Variants in MOB3B observed in about 807,000 individuals in gnomAD.
MOB3B encodes the protein MOB kinase activator 3B, also known as MOB kinase activator-like 2B.
In MOB3B, 7 loss-of-function variants were observed where a neutral mutation model predicts 18.7. The observed-to-expected ratio is 0.37, with a 90% CI of 0.21 to 0.70. The LOEUF is 0.70. Ranked by LOEUF, MOB3B falls within the 30% of genes least tolerant of loss-of-function variation. The pLI is 0.52. For missense variants in MOB3B, 253 were observed against 281.3 expected, an observed-to-expected ratio of 0.90 and a Z score of 0.72; for synonymous variants, 111 against 99.9, an observed-to-expected ratio of 1.11 and a Z score of -0.66.
intron 2 of MOB3B, 27 bp from the exon 3 acceptor site, chr9:27,359,263 T>G: frequency 6.3e-7 from 1 of 1,595,650 alleles, no homozygotes; most frequent in South Asian, 1.1e-5. Context: ...GAAGAAAGAA[T>G]GAAACCATGA....
At chr9:27,528,124 C>T (rs1362257405) in intron 1 of MOB3B, among the ~76,000 whole-genome samples, 1 of 152,204 alleles carries the variant, frequency 6.6e-6, no homozygotes, top group East Asian at 1.9e-4. Context: ...ACGTTCATTC[C>T]GGAGTGAACC....
intron 2 of MOB3B, among the ~76,000 whole-genome samples, chr9:27,363,511 G>A (rs1024127174): frequency 2.7e-5 from 4 of 150,166 alleles, no homozygotes; most frequent in Non-Finnish European, 4.4e-5. Flanking sequence ...CTCGTGATCT[G>A]CCCACCTCAG....
At position 27,433,864 on chromosome 9, in the gene MOB3B, C is replaced by T. The variant is rs184580176; in HGVS notation, c.418+21269G>A. On this transcript the variant is annotated intron_variant, in intron 2 of 3. Coordinates refer to ENST00000262244, the MANE Select transcript of MOB3B (RefSeq NM_024761.5). ...CAGAGGTCAAGCAGCCTTCTCCTTG[C>T]GAGTCAAAGAATTCTTGGCTAAATC... 6.2e-3 allele frequency among the ~76,000 whole-genome samples: 950 copies of T among 152,122 alleles called. 7 individuals are homozygous for T. Among genetic ancestry groups the T allele is most frequent in the Non-Finnish European group, 9.4e-3 (638 of 68,006 alleles).
At chr9:27,452,894 T>C (rs1335840559) in intron 2 of MOB3B, among the ~76,000 whole-genome samples, 1 of 152,166 alleles carries the variant, frequency 6.6e-6, no homozygotes, top group East Asian at 1.9e-4. Context: ...GTTAGGGAGA[T>C]GTTGGTCAAA....
chr9:27,429,665 G>A (rs1822389073), intron 2 of MOB3B, among the ~76,000 whole-genome samples: 1 of 152,154 alleles, frequency 6.6e-6, no homozygotes, highest in African/African-American at 2.4e-5. Context: ...CTGGGAAAAG[G>A]AGTACTCAGA....
Position 27,326,506 on chromosome 9 carries a change from T to C in MOB3B, c.*4081A>G, listed in dbSNP as rs549942593. 2 of 398,606 alleles carry C rather than the reference T, an allele frequency of 5.0e-6. No homozygotes were observed. The highest frequency in any genetic ancestry group is 4.1e-5 in the African/African-American group (2 of 48,760). 24.7% of individuals were successfully genotyped at this position (398,606 alleles called of 1,614,324 possible). A position where few individuals can be genotyped will look rare whatever the true frequency, so the allele number is the denominator to read the frequency against. On this transcript the variant is annotated 3_prime_UTR_variant, in exon 4 of 4. Coordinates refer to ENST00000262244, the MANE Select transcript of MOB3B (RefSeq NM_024761.5). ...TCGAGTTGAATGGAATTCAAGATGTTGTGGAGGGTTCAGTGGGTTGGTTAT... is the reference window on the plus strand; with the variant it reads ...TCGAGTTGAATGGAATTCAAGATGTCGTGGAGGGTTCAGTGGGTTGGTTAT...
At chr9:27,333,996 G>A (rs1820826655) in intron 3 of MOB3B, among the ~76,000 whole-genome samples, 1 of 152,082 alleles carries the variant, frequency 6.6e-6, no homozygotes, top group African/African-American at 2.4e-5. Context: ...GGCAAATTTT[G>A]ACATCCTTTA....
chr9:27,473,960 G>C (rs1271992650), intron 1 of MOB3B, among the ~76,000 whole-genome samples: 2 of 152,124 alleles, frequency 1.3e-5, no homozygotes, highest in African/African-American at 4.8e-5. Context: ...ATTATAAAAG[G>C]GACCCCAGAA....
intron 2 of MOB3B, among the ~76,000 whole-genome samples, chr9:27,440,459 TATCAATGGATGATGGGAAGAAATTC>T (rs1206062871): frequency 6.6e-6 from 1 of 152,120 alleles, no homozygotes; most frequent in Non-Finnish European, 1.5e-5. Context: ...TAAGAATACG[TATCAATGGATGATGGGAAGAAATTC>T]ATGACTACTC....
chr9:27,487,132 A>AAAATAAAT (rs56371907), intron 1 of MOB3B, among the ~76,000 whole-genome samples: 26,089 of 145,134 alleles, frequency 0.18, 2,648 homozygotes, highest in Middle Eastern at 0.26. Context: ...TTCTGTCTCA[A>AAAATAAAT]AAATAAATAA....
At chr9:27,435,191 C>T (rs1347202196) in intron 2 of MOB3B, among the ~76,000 whole-genome samples, 1 of 151,910 alleles carries the variant, frequency 6.6e-6, no homozygotes, top group Admixed American at 6.6e-5. Context: ...TGGCCATTTT[C>T]CCATAACCAG....
At chr9:27,362,003 A>G (rs776538272) in intron 2 of MOB3B, among the ~76,000 whole-genome samples, 3 of 152,198 alleles carry the variant, frequency 2.0e-5, no homozygotes, top group Non-Finnish European at 4.4e-5. Context: ...CTGGCTACAG[A>G]TAAGGCAAAG....
chr9:27,381,177 T>C (rs1438122893), intron 2 of MOB3B, among the ~76,000 whole-genome samples: 1 of 152,146 alleles, frequency 6.6e-6, no homozygotes, highest in Non-Finnish European at 1.5e-5. Context: ...CTATCCATAG[T>C]GGGTGTTTAA....
chr9:27,420,584 T>TTCC (rs1822231902), intron 2 of MOB3B, among the ~76,000 whole-genome samples: 2 of 118,018 alleles, frequency 1.7e-5, no homozygotes, highest in African/African-American at 6.1e-5. Context: ...TATATATATA[T>TTCC]ATATATATAT....
intron 2 of MOB3B, among the ~76,000 whole-genome samples, chr9:27,444,721 G>C (rs187545137): frequency 6.4e-4 from 98 of 152,288 alleles, no homozygotes; most frequent in Admixed American, 7.8e-4. Flanking sequence ...CACTTACTAG[G>C]AGGGTGACTT....
At chr9:27,518,730 G>C (rs1365281876) in intron 1 of MOB3B, among the ~76,000 whole-genome samples, 1 of 152,140 alleles carries the variant, frequency 6.6e-6, no homozygotes, top group South Asian at 2.1e-4. Flanking sequence ...GACAGCTACA[G>C]GGAGCATCAT....
intron 2 of MOB3B, among the ~76,000 whole-genome samples, chr9:27,430,671 G>T (rs186682535): frequency 6.6e-6 from 1 of 152,030 alleles, no homozygotes; most frequent in East Asian, 1.9e-4. Flanking sequence ...AGAAGAATTC[G>T]TCCAGGCGGA....
At chr9:27,390,684 G>A (rs1287278164) in intron 2 of MOB3B, among the ~76,000 whole-genome samples, 1 of 152,116 alleles carries the variant, frequency 6.6e-6, no homozygotes, top group Non-Finnish European at 1.5e-5. Context: ...GAGAGACTAA[G>A]GGCGGAGAAC....
intron 3 of MOB3B, among the ~76,000 whole-genome samples, chr9:27,351,150 G>A (rs997906632): frequency 2.0e-5 from 3 of 152,132 alleles, no homozygotes; most frequent in Non-Finnish European, 2.9e-5. Context: ...TGATCCACCC[G>A]CCTAGGCCTC....
Sources: gnomAD v4.1 joint callset for allele counts (sites outside exome capture counted in the v4.1 genomes callset) on GRCh38, gnomAD v4.1.1 for gene constraint, MANE v1.5 for transcripts, NCBI Gene and HGNC (gene_info 2026-07-23, HGNC 2026-07-21) for gene names.